C6orf118: variants seen among roughly 807,000 people sequenced by gnomAD.
C6orf118 encodes the protein uncharacterized protein C6orf118.
In C6orf118, 50 loss-of-function variants were observed where a neutral mutation model predicts 50.2. The observed-to-expected ratio is 1.00, with a 90% CI of 0.79 to 1.26. C6orf118 has a LOEUF of 1.26. Ranked by LOEUF, C6orf118 falls within the 50% of genes most tolerant of loss-of-function variation. C6orf118 has a pLI of 0.00. For synonymous variants in C6orf118, 239 were observed against 230.9 expected (o/e 1.03, Z -0.32); for missense variants, 641 against 578.7 (o/e 1.11, Z -1.10).
At position 165,293,455 on chromosome 6, in the gene C6orf118, C is replaced by G. The variant is rs1261151414; in HGVS notation, c.1078G>C (p.Glu360Gln). 6.2e-7 allele frequency: 1 copy of G among 1,613,400 alleles called. No homozygotes were observed. Among genetic ancestry groups the G allele is most frequent in the Non-Finnish European group, 8.5e-7 (1 of 1,179,488 alleles). Reference sequence around the variant, plus strand: ...GACTGCAGCAATGCCACCTCCATCTCCAGTTCACTTCTGAGTCTACAATGT... The same window carrying G: ...GACTGCAGCAATGCCACCTCCATCTGCAGTTCACTTCTGAGTCTACAATGT... ...EQNDRLRSEL[E>Q]MEVALLQSAK... Residue 360 changes from glutamate to glutamine, a missense_variant, in exon 6 of 9, where the codon GAG becomes CAG. Coordinates refer to ENST00000230301, the MANE Select transcript of C6orf118 (RefSeq NM_144980.4).
Position 165,279,985 on chromosome 6 carries a change from A to C in C6orf118, c.*72T>G. The C allele has an allele frequency of 7.1e-7, 1 of 1,413,498 alleles. No individual in the cohort carries two copies. Among genetic ancestry groups the C allele is most frequent in the Non-Finnish European group, 9.7e-7 (1 of 1,026,810 alleles). The allele number at this position is 1,413,498 out of a possible 1,614,324, so 87.6% of individuals were successfully genotyped here. A position where few individuals can be genotyped will look rare whatever the true frequency, so the allele number is the denominator to read the frequency against. On this transcript the variant is annotated 3_prime_UTR_variant, in exon 9 of 9. Transcript: ENST00000230301. ...AATGTATCTTTATGAATGTATATGC[A>C]TCTGCAAATATCCATGCTACATACA... is the stretch of plus-strand genomic sequence containing the variant.
At chr6:165,294,254 C>CAAA (rs71026682) in intron 5 of C6orf118, among the ~76,000 whole-genome samples, 20 of 122,780 alleles carry the variant, frequency 1.6e-4, no homozygotes, top group East Asian at 4.4e-4. Context: ...TTTAAAAAAG[C>CAAA]AAAAAAAAAA....
Position 165,281,629 on chromosome 6 carries a change from A to G in C6orf118, c.1356+11T>C. On this transcript the variant is annotated intron_variant, in intron 8 of 8. Coordinates refer to ENST00000230301, the MANE Select transcript of C6orf118 (RefSeq NM_144980.4). ...TTTATTGATAAACATTGATTCACAC[A>G]AAAAACTTACTTTTATTTTCTTCTT... 1 of 1,495,252 alleles carries G rather than the reference A, an allele frequency of 6.7e-7. No individual in the cohort carries two copies. Among genetic ancestry groups the G allele is most frequent in the Admixed American group, 2.5e-5 (1 of 40,144 alleles). The allele number at this position is 1,495,252 out of a possible 1,614,324, so 92.6% of individuals were successfully genotyped here.
intron 5 of C6orf118, among the ~76,000 whole-genome samples, chr6:165,297,570 C>A (rs964903573): frequency 1.3e-5 from 2 of 152,088 alleles, no homozygotes; most frequent in Non-Finnish European, 2.9e-5. Context: ...TCAAATCATA[C>A]AAAGAGTATG....
At chr6:165,290,092 T>C (rs1287310385) in intron 6 of C6orf118, 25 bp from the exon 7 acceptor site, 4 of 1,433,590 alleles carry the variant, frequency 2.8e-6, no homozygotes, top group Non-Finnish European at 3.8e-6. Context: ...TAAAACAAAG[T>C]ATTACCATGT....
chr6:165,298,636 G>A (rs867926329), intron 4 of C6orf118, among the ~76,000 whole-genome samples: 136 of 152,268 alleles, frequency 8.9e-4, no homozygotes, highest in Non-Finnish European at 9.3e-4. Flanking sequence ...AGATAGGGAC[G>A]TATGCCACTT....
At position 165,300,510 on chromosome 6, in the gene C6orf118, C is replaced by T. The variant is rs752449813; in HGVS notation, c.754-24G>A. 10 of 1,595,476 alleles carry T rather than the reference C, an allele frequency of 6.3e-6. No homozygotes were observed. In the African/African-American group the frequency reaches 1.2e-4, roughly 19 times the overall value. On this transcript the variant is annotated intron_variant, in intron 2 of 8. Coordinates refer to ENST00000230301, the MANE Select transcript of C6orf118 (RefSeq NM_144980.4). Reference sequence around the variant, plus strand: ...TCCTGGAGGAAAAACAGAGTCAGCCCATTTCAGGGTGGCTTCATCTTTCTT... The same window carrying T: ...TCCTGGAGGAAAAACAGAGTCAGCCTATTTCAGGGTGGCTTCATCTTTCTT...
At chr6:165,287,592 A>G (rs765653707) in intron 7 of C6orf118, among the ~76,000 whole-genome samples, 1 of 152,182 alleles carries the variant, frequency 6.6e-6, no homozygotes, top group Non-Finnish European at 1.5e-5. Context: ...AGACATATAG[A>G]CAAATGGAAC....
chr6:165,290,360 T>A (rs1202417023), intron 6 of C6orf118, among the ~76,000 whole-genome samples: 1 of 152,026 alleles, frequency 6.6e-6, no homozygotes, highest in Admixed American at 6.6e-5. Flanking sequence ...GATTTAGCAG[T>A]GCAGACCAAC....
intron 5 of C6orf118, among the ~76,000 whole-genome samples, chr6:165,295,609 G>A (rs9457066): frequency 0.082 from 12,444 of 151,736 alleles, 535 homozygotes; most frequent in African/African-American, 0.11. Flanking sequence ...ATACTTTTCC[G>A]TCAGTGTAGC....
chr6:165,307,330 G>C (rs1232957935), intron 1 of C6orf118, among the ~76,000 whole-genome samples: 1 of 151,668 alleles, frequency 6.6e-6, no homozygotes, highest in Non-Finnish European at 1.5e-5. Context: ...AGGCCGAGGC[G>C]GGTGGATCAC....
chr6:165,293,909 G>A (rs188462309), intron 5 of C6orf118, among the ~76,000 whole-genome samples: 1 of 152,236 alleles, frequency 6.6e-6, no homozygotes, highest in East Asian at 1.9e-4. Flanking sequence ...ATTATTCTGT[G>A]CAACAGATAC....
At chr6:165,307,142 T>C (rs1687578425) in intron 1 of C6orf118, among the ~76,000 whole-genome samples, 1 of 152,192 alleles carries the variant, frequency 6.6e-6, no homozygotes, top group Non-Finnish European at 1.5e-5. Context: ...TGCCAAAATT[T>C]AGTATTAAAC....
At chr6:165,292,296 T>C (rs749389831) in intron 6 of C6orf118, among the ~76,000 whole-genome samples, 4 of 152,014 alleles carry the variant, frequency 2.6e-5, no homozygotes, top group Non-Finnish European at 4.4e-5. Context: ...AGGAGCAGGC[T>C]CCTGAGATAG....
intron 4 of C6orf118, among the ~76,000 whole-genome samples, chr6:165,298,734 T>C (rs1336153711): frequency 6.6e-6 from 1 of 152,228 alleles, no homozygotes; most frequent in Admixed American, 6.5e-5. Context: ...TGCTTCTGTG[T>C]TATGAAAAGG....
chr6:165,292,173 G>C (rs1179473141), intron 6 of C6orf118, among the ~76,000 whole-genome samples: 1 of 152,184 alleles, frequency 6.6e-6, no homozygotes, highest in Non-Finnish European at 1.5e-5. Context: ...AAAAAGGAAT[G>C]TCAAGCCCAG....
Position 165,301,668 on chromosome 6 carries a change from G to A in C6orf118, c.654C>T (p.Phe218=), listed in dbSNP as rs750362518. ...CGAGCACTTCCTTCTGGAAACGCAG[G>A]AACATCCTGTACCTGTCTGCGCTGG... The part of the protein sequence containing the change: ...GATSADRYRM[F]LRFQKEVLAK... Residue 218 remains phenylalanine, a synonymous_variant, in exon 2 of 9, where the codon TTC becomes TTT. Coordinates refer to ENST00000230301, the MANE Select transcript of C6orf118 (RefSeq NM_144980.4). 17 of 1,614,056 alleles carry A rather than the reference G, an allele frequency of 1.1e-5. No individual in the cohort carries two copies. In the Admixed American group the frequency reaches 2.3e-4, roughly 22 times the overall value.
chr6:165,297,383 G>A (rs561376488), intron 5 of C6orf118, among the ~76,000 whole-genome samples: 3 of 147,740 alleles, frequency 2.0e-5, no homozygotes, highest in South Asian at 4.3e-4. Flanking sequence ...CAGCCTGGGC[G>A]ACAGAGCAAG....
intron 2 of C6orf118, among the ~76,000 whole-genome samples, chr6:165,300,936 C>T (rs967165556): frequency 6.8e-5 from 10 of 147,454 alleles, no homozygotes; most frequent in Non-Finnish European, 1.5e-4. Flanking sequence ...GCTGCCTGGG[C>T]ATACCTCAGG....
Sources: allele counts gnomAD v4.1 joint callset (sites outside exome capture counted in the v4.1 genomes callset), GRCh38; gene constraint gnomAD v4.1.1; transcripts MANE v1.5; gene names NCBI Gene and HGNC (gene_info 2026-07-23, HGNC 2026-07-21).